Variants in ZFHX3 observed in about 807,000 individuals in gnomAD.
The protein encoded by ZFHX3 is zinc finger homeobox protein 3.
Under a neutral mutation model 279.1 loss-of-function variants are expected in ZFHX3, and 42 were observed. The observed-to-expected ratio is 0.15, with a 90% CI of 0.12 to 0.19. The LOEUF is 0.19. Ranked by LOEUF, ZFHX3 falls within the 10% of genes least tolerant of loss-of-function variation. The pLI is 1.00. For synonymous variants in ZFHX3, 2,293 were observed against 1,957.8 expected, an observed-to-expected ratio of 1.17 and a Z score of -4.52; for missense variants, 4,981 against 4,754.0, an observed-to-expected ratio of 1.05 and a Z score of -1.40.
intron 2 of ZFHX3, among the ~76,000 whole-genome samples, chr16:73,495,451 C>T (rs905575420): frequency 6.6e-6 from 1 of 152,184 alleles, no homozygotes; most frequent in East Asian, 1.9e-4. Flanking sequence ...AATGCTTTGG[C>T]TAAAATGGAA....
chr16:73,096,264 C>T (rs1419760808), intron 7 of ZFHX3, among the ~76,000 whole-genome samples: 5 of 151,570 alleles, frequency 3.3e-5, no homozygotes, highest in South Asian at 2.1e-4. Context: ...TGCTGGAGAC[C>T]GGGTGGTGGC....
At position 73,117,757 on chromosome 16, in the gene ZFHX3, T is replaced by C. The variant is rs540669263; in HGVS notation, c.-897+13211A>G. Among the ~76,000 whole-genome samples the C allele has an allele frequency of 3.3e-5, 5 of 152,292 alleles. No homozygotes were observed. The East Asian group carries it at 9.7e-4, about 29-fold the overall frequency. On this transcript the variant is annotated intron_variant, in intron 7 of 17. Coordinates refer to the ZFHX3 transcript ENST00000641206. ...GAAGGTGAGGCCTTTGGGAGGTCAT[T>C]AGGTCATGAGGGTGGAACCCTCACA... is the stretch of plus-strand genomic sequence containing the variant.
intron 2 of ZFHX3, among the ~76,000 whole-genome samples, chr16:73,593,770 A>G (rs2052022367): frequency 6.6e-6 from 1 of 152,192 alleles, no homozygotes; most frequent in East Asian, 1.9e-4. Flanking sequence ...AAGTCACCAC[A>G]TTAGCACATT....
Position 73,684,314 on chromosome 16 carries a change from T to A in ZFHX3, c.-1607-4074A>T, listed in dbSNP as rs535255694. On this transcript the variant is annotated intron_variant, in intron 1 of 17. Transcript: ENST00000641206. The stretch of plus-strand genomic sequence containing the variant: ...TTAATATGATTACTTTGATTATATT[T>A]TGATATGGCATGTGTGTGTGTTTGT... Among the ~76,000 whole-genome samples the A allele has an allele frequency of 2.1e-3, 323 of 151,694 alleles. 1 individual carries two copies. The highest frequency in any genetic ancestry group is 3.5e-3 in the Non-Finnish European group (235 of 67,872).
At chr16:72,938,851 T>A (rs1294483697) in intron 3 of ZFHX3, among the ~76,000 whole-genome samples, 1 of 151,836 alleles carries the variant, frequency 6.6e-6, no homozygotes, top group East Asian at 1.9e-4. Context: ...GTGAACCCAG[T>A]CTGGGCAAAA....
At chr16:73,072,444 CAAAAAAAA>C (rs71156138) in intron 8 of ZFHX3, among the ~76,000 whole-genome samples, 4 of 97,762 alleles carry the variant, frequency 4.1e-5, no homozygotes, top group African/African-American at 1.2e-4. Context: ...AACTCCGTCT[CAAAAAAAA>C]AAAAAAAAAA....
chr16:72,795,022 G>A lies in ZFHX3; in HGVS notation c.7660C>T (p.Leu2554=), dbSNP rs755621991. 2.5e-6 allele frequency: 4 copies of A among 1,614,206 alleles called. No individual in the cohort carries two copies. Among genetic ancestry groups the A allele is most frequent in the South Asian group, 1.1e-5 (1 of 91,074 alleles). ...TGGATGAACTGGTTCTGCGCGCTCAGGAAGTGGAGCTGCTGATGCTCCTGC... is the reference window on the plus strand; with the variant it reads ...TGGATGAACTGGTTCTGCGCGCTCAAGAAGTGGAGCTGCTGATGCTCCTGC... ...HWQEHQQLHF[L]SAQNQFIHPQ... The change falls in exon 9 of 10, where the codon CTG becomes TTG. Residue 2554 remains leucine, a synonymous_variant. Transcript: ENST00000268489.
At chr16:72,962,669 TCTC>T (rs1567608757) in intron 1 of ZFHX3, among the ~76,000 whole-genome samples, 2 of 152,052 alleles carry the variant, frequency 1.3e-5, no homozygotes, top group Non-Finnish European at 2.9e-5. Flanking sequence ...ACATGCACTG[TCTC>T]CTCCTGCCCC....
intron 5 of ZFHX3, among the ~76,000 whole-genome samples, chr16:73,229,669 C>A (rs1342720780): frequency 6.6e-6 from 1 of 152,034 alleles, no homozygotes; most frequent in Non-Finnish European, 1.5e-5. Context: ...GTAACTCATG[C>A]TTTTATTCAG....
chr16:73,181,167 C>T (rs1366419288), intron 5 of ZFHX3, among the ~76,000 whole-genome samples: 1 of 151,702 alleles, frequency 6.6e-6, no homozygotes, highest in African/African-American at 2.4e-5. Flanking sequence ...GTGGTATAAT[C>T]TCGGCTCACT....
At chr16:73,166,753 C>T (rs1967382179) in intron 5 of ZFHX3, among the ~76,000 whole-genome samples, 2 of 152,194 alleles carry the variant, frequency 1.3e-5, no homozygotes, top group Non-Finnish European at 2.9e-5. Context: ...CTCTCTCAAA[C>T]CGCAAGAAAC....
chr16:73,716,815 G>A (rs148137661), intron 1 of ZFHX3, among the ~76,000 whole-genome samples: 188 of 152,148 alleles, frequency 1.2e-3, no homozygotes, highest in African/African-American at 4.5e-3. Flanking sequence ...TGCCATAATA[G>A]GTACAGAGAT....
intron 2 of ZFHX3, among the ~76,000 whole-genome samples, chr16:73,518,417 T>A (rs2019558825): frequency 6.6e-6 from 1 of 152,250 alleles, no homozygotes. Flanking sequence ...CTTTGCCAAA[T>A]GGCAGATTCT....
At chr16:73,176,945 A>G (rs1967679509) in intron 5 of ZFHX3, among the ~76,000 whole-genome samples, 3 of 152,150 alleles carry the variant, frequency 2.0e-5, no homozygotes, top group Admixed American at 2.0e-4. Flanking sequence ...GATTTGCAGC[A>G]TCAGCATGAC....
intron 4 of ZFHX3, among the ~76,000 whole-genome samples, chr16:73,277,225 G>A (rs189440829): frequency 3.3e-5 from 5 of 152,272 alleles, no homozygotes; most frequent in Admixed American, 1.3e-4. Context: ...AAATCTCAGG[G>A]CTGACAAACT....
chr16:72,907,604 T>C (rs1247068266), intron 3 of ZFHX3, among the ~76,000 whole-genome samples: 1 of 138,706 alleles, frequency 7.2e-6, no homozygotes, highest in African/African-American at 2.7e-5. Context: ...TGTGTGTGTG[T>C]GTTGTGTGTA....
At chr16:73,800,539 C>G (rs1218466993) in intron 1 of ZFHX3, among the ~76,000 whole-genome samples, 1 of 152,050 alleles carries the variant, frequency 6.6e-6, no homozygotes, top group East Asian at 1.9e-4. Context: ...TTATGTTGTG[C>G]TTTTTCTTCT....
intron 2 of ZFHX3, among the ~76,000 whole-genome samples, chr16:73,472,541 G>T (rs1273269329): frequency 6.6e-6 from 1 of 152,180 alleles, no homozygotes; most frequent in Non-Finnish European, 1.5e-5. Flanking sequence ...GATGGATCAT[G>T]AGTGCCTGAG....
In ZFHX3 at chr16:73,579,080, C is replaced by T. The variant is rs556296516; in HGVS notation, c.-1547+101100G>A. ...CAATCTATTCTCTCTGAAGCCCGCACCTGGAAGCTTCATCTGCGTGATAAA... is the reference window on the plus strand; with the variant it reads ...CAATCTATTCTCTCTGAAGCCCGCATCTGGAAGCTTCATCTGCGTGATAAA... On this transcript the variant is annotated intron_variant, in intron 2 of 17. Transcript: ENST00000641206. 2.6e-5 allele frequency among the ~76,000 whole-genome samples: 4 copies of T among 152,298 alleles called. No homozygotes were observed. The South Asian group carries it at 8.3e-4, about 32-fold the overall frequency.
Sources: gnomAD v4.1 joint callset for allele counts (sites outside exome capture counted in the v4.1 genomes callset) on GRCh38, gnomAD v4.1.1 for gene constraint, MANE v1.5 for transcripts, NCBI Gene and HGNC (gene_info 2026-07-23, HGNC 2026-07-21) for gene names.